Variants in MAST2 observed in about 807,000 individuals in gnomAD.
MAST2 encodes microtubule-associated serine/threonine-protein kinase 2.
In MAST2, 70 loss-of-function variants were observed where a neutral mutation model predicts 147.4. The ratio of observed to expected loss-of-function variants is 0.47; its 90% confidence interval spans 0.39 to 0.58. The LOEUF (loss-of-function observed/expected upper bound fraction) is 0.58. MAST2 is among the 20% of genes least tolerant of loss of function. MAST2 has a pLI of 0.00. For missense variants in MAST2, 2,080 were observed against 2,302.3 expected (o/e 0.90, Z 1.98); for synonymous variants, 869 against 896.8 (o/e 0.97, Z 0.55).
At chr1:45,897,936 G>T (rs1252678389) in intron 4 of MAST2, among the ~76,000 whole-genome samples, 1 of 151,702 alleles carries the variant, frequency 6.6e-6, no homozygotes, top group East Asian at 1.9e-4. Context: ...GTGAAACTCC[G>T]TCTCTACTAA....
intron 5 of MAST2, among the ~76,000 whole-genome samples, chr1:45,976,505 T>C (rs1019238661): frequency 2.0e-5 from 3 of 152,126 alleles, no homozygotes; most frequent in African/African-American, 7.2e-5. Context: ...CCACAACATG[T>C]GAGAAGAATG....
rs989402792 is a variant in MAST2 at position 46,002,964 on chromosome 1, T to C, written c.747+81T>C. 7 of 1,376,058 alleles carry C rather than the reference T, an allele frequency of 5.1e-6. 1 individual carries two copies. The South Asian group carries it at 5.8e-5, about 11-fold the overall frequency. The allele number at this position is 1,376,058 out of a possible 1,614,324, so 85.2% of individuals were successfully genotyped here. The stretch of plus-strand genomic sequence containing the variant: ...TGGGTTATCTAGTGTCACAAAATGG[T>C]TCTCAACTTTTTCTCCAAAGTCAAA... On this transcript the variant is annotated intron_variant, in intron 7 of 28. Transcript: ENST00000361297.
chr1:45,878,310 A>G (rs982671443), intron 3 of MAST2, among the ~76,000 whole-genome samples: 1 of 152,160 alleles, frequency 6.6e-6, no homozygotes, highest in Non-Finnish European at 1.5e-5. Context: ...GAGAAAAACT[A>G]TGTAAGCATT....
chr1:45,889,858 A>G (rs1039293362), intron 4 of MAST2, among the ~76,000 whole-genome samples: 2 of 151,736 alleles, frequency 1.3e-5, no homozygotes, highest in Admixed American at 6.6e-5. Context: ...TGATTAAGCA[A>G]TTCTCCTGCC....
chr1:45,862,540 C>T (rs1646016991), intron 3 of MAST2, among the ~76,000 whole-genome samples: 1 of 147,558 alleles, frequency 6.8e-6, no homozygotes, highest in Admixed American at 6.9e-5. Flanking sequence ...GGCACGATCT[C>T]AGCTCTGCAA....
chr1:45,806,293 T>G (rs1644139772), intron 1 of MAST2, among the ~76,000 whole-genome samples: 1 of 152,258 alleles, frequency 6.6e-6, no homozygotes. Flanking sequence ...CCAGATTCTT[T>G]CATTCGGATC....
chr1:45,928,645 A>G lies in MAST2; in HGVS notation c.501-30741A>G, dbSNP rs1262486194. 4.0e-5 allele frequency among the ~76,000 whole-genome samples: 6 copies of G among 151,166 alleles called. No homozygotes were observed. In the East Asian group the frequency reaches 9.7e-4, roughly 24 times the overall value. On this transcript the variant is annotated intron_variant, in intron 4 of 28. Coordinates refer to ENST00000361297, the MANE Select transcript of MAST2 (RefSeq NM_015112.3). ...TGCCCAGGCTGGAGTGCAGTGGCAC[A>G]ATCACAGCTCACTGCAACCTTGAAC... is the stretch of plus-strand genomic sequence containing the variant.
intron 1 of MAST2, among the ~76,000 whole-genome samples, chr1:45,822,366 G>A (rs1046147048): frequency 3.3e-5 from 5 of 149,486 alleles, no homozygotes; most frequent in Admixed American, 6.8e-5. Context: ...CCTTTCCTTT[G>A]CCAGGTTTTG....
intron 2 of MAST2, among the ~76,000 whole-genome samples, chr1:45,828,948 A>G (rs1644873423): frequency 6.6e-6 from 1 of 152,000 alleles, no homozygotes; most frequent in African/African-American, 2.4e-5. Flanking sequence ...GCCAAAAAAC[A>G]AAAATCATTG....
At chr1:46,002,529 A>G (rs1384961633) in intron 6 of MAST2, among the ~76,000 whole-genome samples, 1 of 152,230 alleles carries the variant, frequency 6.6e-6, no homozygotes, top group African/African-American at 2.4e-5. Flanking sequence ...ATGAAAATAT[A>G]TATTCCAAAA....
chr1:45,952,760 A>C (rs1464772995), intron 4 of MAST2, among the ~76,000 whole-genome samples: 1 of 152,104 alleles, frequency 6.6e-6, no homozygotes, highest in Non-Finnish European at 1.5e-5. Flanking sequence ...GTGAGTGACC[A>C]AAAAAAGCCA....
rs1473514544 is a variant in MAST2 at position 46,002,992 on chromosome 1, C to CA, written c.747+110dup. 3.6e-6 allele frequency: 4 copies of CA among 1,116,104 alleles called. No individual in the cohort carries two copies. The Admixed American group carries it at 5.3e-5, about 15-fold the overall frequency. The allele number at this position is 1,116,104 out of a possible 1,614,324, so 69.1% of individuals were successfully genotyped here. A position where few individuals can be genotyped will look rare whatever the true frequency, so the allele number is the denominator to read the frequency against. On this transcript the variant is annotated intron_variant, in intron 7 of 28. Transcript: ENST00000361297. The stretch of plus-strand genomic sequence containing the variant: ...TCAACTTTTTCTCCAAAGTCAAACT[C>CA]AGAGAGGTTGCTGAGAGATGATGTT...
chr1:45,975,236 A>C (rs946204650), intron 5 of MAST2, among the ~76,000 whole-genome samples: 2 of 152,110 alleles, frequency 1.3e-5, no homozygotes, highest in African/African-American at 4.8e-5. Flanking sequence ...TACAAAAGTA[A>C]AGATTTGTAA....
At chr1:45,837,787 T>C (rs1308989457) in intron 3 of MAST2, among the ~76,000 whole-genome samples, 1 of 151,608 alleles carries the variant, frequency 6.6e-6, no homozygotes, top group Non-Finnish European at 1.5e-5. Flanking sequence ...TTATCATATA[T>C]TTTTTTTTGA....
At chr1:45,933,239 G>T (rs1028456304) in intron 4 of MAST2, among the ~76,000 whole-genome samples, 6 of 134,900 alleles carry the variant, frequency 4.4e-5, no homozygotes, top group African/African-American at 1.1e-4. Context: ...AAAAAAAAGC[G>T]GGGGGGTTGG....
At chr1:45,848,548 G>A (rs924195805) in intron 3 of MAST2, among the ~76,000 whole-genome samples, 3 of 152,068 alleles carry the variant, frequency 2.0e-5, no homozygotes, top group African/African-American at 4.8e-5. Flanking sequence ...CACTGGGAGC[G>A]AACTCTGGGA....
rs147993846 is a variant in MAST2, at chr1:45,986,336, A to G, written c.593-11388A>G. ...CTAATGTAGTGACTTATATTGATTG[A>G]TTTTCAGATTTTAAGCCAACTAGAA... On this transcript the variant is annotated intron_variant, in intron 5 of 28. Coordinates refer to ENST00000361297, the MANE Select transcript of MAST2 (RefSeq NM_015112.3). 6.7e-3 allele frequency among the ~76,000 whole-genome samples: 1,015 copies of G among 152,128 alleles called. 13 individuals are homozygous for G. The highest frequency in any genetic ancestry group is 0.023 in the African/African-American group (969 of 41,486).
chr1:46,023,973 C>T lies in MAST2; in HGVS notation c.1773C>T (p.Tyr591=), dbSNP rs372134629. ...GCCACTTGTGCATGGTGATGGAGTA[C>T]GTTGAAGGTACTGAGGCAAAGGTGG... is the stretch of plus-strand genomic sequence containing the variant. ...TKRHLCMVME[Y]VEGGDCATLL... is the part of the protein sequence containing the mutation. The change falls in exon 15 of 29, where the codon TAC becomes TAT. Residue 591 remains tyrosine (Y), a synonymous_variant. Transcript: ENST00000361297. This position sits in a 1 kb window ranked among gnomAD's most constrained non-coding sequence, Gnocchi z 4.9. The T allele has an allele frequency of 2.2e-5, 35 of 1,614,008 alleles. No homozygotes were observed. Among genetic ancestry groups the T allele is most frequent in the Middle Eastern group, 1.6e-4 (1 of 6,084 alleles).
At chr1:45,981,798 T>C (rs948897668) in intron 5 of MAST2, among the ~76,000 whole-genome samples, 5 of 152,106 alleles carry the variant, frequency 3.3e-5, no homozygotes, top group African/African-American at 1.2e-4. Context: ...AGTTTCAAAA[T>C]TATTGATTTT....
Sources: gnomAD v4.1 joint callset for allele counts (sites outside exome capture counted in the v4.1 genomes callset) on GRCh38, gnomAD v4.1.1 for gene constraint, Gnocchi (gnomAD v3.1) non-coding constraint, MANE v1.5 for transcripts, NCBI Gene and HGNC (gene_info 2026-07-23, HGNC 2026-07-21) for gene names.